Variants in HCN1 observed in about 807,000 individuals in gnomAD.
HCN1 encodes potassium/sodium hyperpolarization-activated cyclic nucleotide-gated channel 1.
In HCN1, 13 loss-of-function variants were observed where a neutral mutation model predicts 78.9. The observed-to-expected ratio is 0.16, with a 90% CI of 0.11 to 0.26. The LOEUF is 0.26. HCN1 is among the 10% of genes least tolerant of loss of function. The probability of loss-of-function intolerance (pLI) is 1.00; values close to 1 mark genes in which losing one functional copy is unlikely to be tolerated. For missense variants in HCN1, 810 were observed against 1,154.3 expected (o/e 0.70, Z 4.32); for synonymous variants, 552 against 455.5 (o/e 1.21, Z -2.70).
At chr5:45,409,580 G>A (rs567650374) in intron 3 of HCN1, among the ~76,000 whole-genome samples, 44 of 151,986 alleles carry the variant, frequency 2.9e-4, no homozygotes, top group African/African-American at 9.4e-4. Flanking sequence ...ACATGTCCAC[G>A]CAATTTTGAT....
intron 5 of HCN1, among the ~76,000 whole-genome samples, chr5:45,327,117 T>A (rs747923564): frequency 7.3e-5 from 11 of 151,620 alleles, no homozygotes; most frequent in Non-Finnish European, 1.5e-4. Context: ...TTTTGTAAGG[T>A]CCAGCACAAT....
In HCN1 at chr5:45,411,359, GT is replaced by G. The variant is rs551445509; in HGVS notation, c.1012-14650del. Among the ~76,000 whole-genome samples the G allele has an allele frequency of 2.2e-3, 321 of 143,140 alleles. 1 individual carries two copies. The East Asian group carries it at 0.023, about 10-fold the overall frequency. 93.9% of individuals were successfully genotyped at this position (143,140 alleles called of 152,430 possible). A position where few individuals can be genotyped will look rare whatever the true frequency, so the allele number is the denominator to read the frequency against. On this transcript the variant is annotated intron_variant, in intron 3 of 7. Coordinates refer to ENST00000303230, the MANE Select transcript of HCN1 (RefSeq NM_021072.4). ...TTTCCCTCTCTTTCTTTTAACTTCT[GT>G]TTTTTTTTTTTATTCTACCCAGTTA...
At chr5:45,287,766 TAGTC>T (rs1485643921) in intron 6 of HCN1, among the ~76,000 whole-genome samples, 1 of 152,012 alleles carries the variant, frequency 6.6e-6, no homozygotes, top group Admixed American at 6.6e-5. Flanking sequence ...GACTAACACA[TAGTC>T]AGGAGAAATA....
At chr5:45,270,031 C>G (rs1744930345) in intron 6 of HCN1, among the ~76,000 whole-genome samples, 1 of 152,194 alleles carries the variant, frequency 6.6e-6, no homozygotes, top group Non-Finnish European at 1.5e-5. Context: ...TATTACAAAA[C>G]AAAATTTGGG....
chr5:45,544,513 T>A (rs1221844505), intron 2 of HCN1, among the ~76,000 whole-genome samples: 1 of 152,116 alleles, frequency 6.6e-6, no homozygotes, highest in Non-Finnish European at 1.5e-5. Flanking sequence ...GTCACATATG[T>A]ATACATGTGC....
chr5:45,404,591 A>T (rs1347215566), intron 3 of HCN1, among the ~76,000 whole-genome samples: 1 of 150,226 alleles, frequency 6.7e-6, no homozygotes, highest in Non-Finnish European at 1.5e-5. Context: ...TCTCTTAGTA[A>T]TAATGCATTT....
intron 2 of HCN1, among the ~76,000 whole-genome samples, chr5:45,630,991 C>T (rs187194664): frequency 1.8e-3 from 268 of 152,088 alleles, no homozygotes; most frequent in African/African-American, 5.6e-3. Flanking sequence ...ATTATAAAAA[C>T]GTAGATCACA....
intron 5 of HCN1, among the ~76,000 whole-genome samples, chr5:45,316,066 G>C (rs566293218): frequency 6.6e-6 from 1 of 152,298 alleles, no homozygotes; most frequent in African/African-American, 2.4e-5. Context: ...CTCATTTTAT[G>C]AGGCCAGCAT....
intron 6 of HCN1, among the ~76,000 whole-genome samples, chr5:45,271,793 C>G (rs1472646549): frequency 6.6e-6 from 1 of 152,016 alleles, no homozygotes; most frequent in Non-Finnish European, 1.5e-5. Context: ...GTGACATATT[C>G]CCCTACGGAG....
At chr5:45,407,876 A>G (rs1233495487) in intron 3 of HCN1, among the ~76,000 whole-genome samples, 1 of 152,148 alleles carries the variant, frequency 6.6e-6, no homozygotes, top group Non-Finnish European at 1.5e-5. Context: ...AAGACATTCC[A>G]GTGGGACAAG....
chr5:45,354,013 T>C (rs1477300377), intron 4 of HCN1, among the ~76,000 whole-genome samples: 2 of 151,830 alleles, frequency 1.3e-5, no homozygotes, highest in African/African-American at 4.8e-5. Flanking sequence ...TGCCTATTTA[T>C]ATTTATACAC....
At chr5:45,323,717 C>T (rs1018881233) in intron 5 of HCN1, among the ~76,000 whole-genome samples, 10 of 151,898 alleles carry the variant, frequency 6.6e-5, no homozygotes, top group Admixed American at 6.6e-4. Flanking sequence ...CCTCCCCCAT[C>T]CCCCAACCCC....
chr5:45,534,802 G>A lies in HCN1; in HGVS notation c.850-72795C>T, dbSNP rs1742934748. 2.6e-5 allele frequency among the ~76,000 whole-genome samples: 4 copies of A among 152,128 alleles called. No homozygotes were observed. The South Asian group carries it at 8.3e-4, about 31-fold the overall frequency. ...AATTCATTTGCTAAATAGCCAAGGT[G>A]AATTAATTACAAGCATATAGTTTCT... is the stretch of plus-strand genomic sequence containing the variant. On this transcript the variant is annotated intron_variant, in intron 2 of 7. Transcript: ENST00000303230.
chr5:45,630,158 T>G (rs1745245252), intron 2 of HCN1, among the ~76,000 whole-genome samples: 1 of 152,122 alleles, frequency 6.6e-6, no homozygotes, highest in Non-Finnish European at 1.5e-5. Context: ...CTTGTTCAAA[T>G]TATAGCACAC....
chr5:45,458,729 T>C (rs773836022), intron 3 of HCN1, among the ~76,000 whole-genome samples: 5 of 152,156 alleles, frequency 3.3e-5, no homozygotes, highest in Admixed American at 6.6e-5. Flanking sequence ...AATCTAGCTG[T>C]GTGACATTGA....
At chr5:45,580,369 T>G (rs1430642922) in intron 2 of HCN1, among the ~76,000 whole-genome samples, 1 of 151,762 alleles carries the variant, frequency 6.6e-6, no homozygotes, top group Non-Finnish European at 1.5e-5. Context: ...CTCCTGGGGG[T>G]CACAAGCCAA....
At chr5:45,410,200 C>A (rs1379695406) in intron 3 of HCN1, among the ~76,000 whole-genome samples, 5 of 151,974 alleles carry the variant, frequency 3.3e-5, no homozygotes, top group Admixed American at 3.3e-4. Context: ...TTATTATCTT[C>A]ATTTACTGAT....
intron 3 of HCN1, among the ~76,000 whole-genome samples, chr5:45,440,515 G>A (rs1314930992): frequency 6.6e-6 from 1 of 152,070 alleles, no homozygotes; most frequent in Non-Finnish European, 1.5e-5. Flanking sequence ...TTTCAAATAA[G>A]TCTGATATAC....
intron 4 of HCN1, among the ~76,000 whole-genome samples, chr5:45,389,472 A>T (rs7721486): frequency 0.32 from 49,301 of 151,982 alleles, 10,349 homozygotes; most frequent in African/African-American, 0.58. Context: ...TATTAGGTGA[A>T]ATATCCTCCT....
Sources: allele counts gnomAD v4.1 joint callset (sites outside exome capture counted in the v4.1 genomes callset), GRCh38; gene constraint gnomAD v4.1.1; transcripts MANE v1.5; gene names NCBI Gene and HGNC (gene_info 2026-07-23, HGNC 2026-07-21).